PLAT: variants seen among roughly 807,000 people sequenced by gnomAD.
The protein encoded by PLAT is plasminogen activator, tissue type.
In PLAT, 48 loss-of-function variants were observed where a neutral mutation model predicts 74.9. That is an observed-to-expected ratio of 0.64 (90% CI 0.51 to 0.82). The LOEUF is 0.82. PLAT is among the 40% of genes least tolerant of loss of function. The pLI is 0.00. For synonymous variants in PLAT, 307 were observed against 294.4 expected (o/e 1.04, Z -0.44); for missense variants, 673 against 736.2 (o/e 0.91, Z 0.99).
intron 1 of PLAT, among the ~76,000 whole-genome samples, chr8:42,203,419 T>C (rs1280534555): frequency 6.6e-6 from 1 of 152,218 alleles, no homozygotes; most frequent in Non-Finnish European, 1.5e-5. Context: ...AGTCATATAC[T>C]TGTATAGGAA....
chr8:42,202,759 TG>T (rs760529136), intron 1 of PLAT, among the ~76,000 whole-genome samples: 15 of 149,622 alleles, frequency 1.0e-4, no homozygotes, highest in Non-Finnish European at 1.8e-4. Context: ...GGGACGGGGG[TG>T]GGCTTGGAGT....
chr8:42,176,351 G>A (rs1209141209), intron 13 of PLAT, among the ~76,000 whole-genome samples, 200 bp from the exon 14 acceptor site: 1 of 152,204 alleles, frequency 6.6e-6, no homozygotes, highest in Admixed American at 6.5e-5. Context: ...CCTGGGTTTT[G>A]TCCAGGTACC....
At chr8:42,189,316 G>A (rs535996064) in intron 3 of PLAT, among the ~76,000 whole-genome samples, 13 of 152,050 alleles carry the variant, frequency 8.5e-5, no homozygotes, top group Non-Finnish European at 1.3e-4. Flanking sequence ...TCAGGAGTTC[G>A]AGACCAGCCT....
At chr8:42,179,183 G>A (rs1204490245) in intron 12 of PLAT, 120 bp from the exon 13 acceptor site, 2 of 673,888 alleles carry the variant, frequency 3.0e-6, no homozygotes, top group East Asian at 2.7e-5. Context: ...GTATTAGGTC[G>A]AATCCTATGA....
At chr8:42,193,323 G>GC (rs1805759520) in intron 1 of PLAT, 112 bp from the exon 2 acceptor site, 1 of 667,882 alleles carries the variant, frequency 1.5e-6, no homozygotes, top group African/African-American at 1.8e-5. Context: ...TGCCAGCCCC[G>GC]CGGCAGAAAC....
chr8:42,188,003 T>C lies in PLAT; in HGVS notation c.267A>G (p.Pro89=), dbSNP rs1353644490. Residue 89 remains proline (P), a synonymous_variant, in exon 5 of 14, where the codon CCA becomes CCG. Coordinates refer to ENST00000220809, the MANE Select transcript of PLAT (RefSeq NM_000930.5). The part of the protein sequence containing the change: ...HSVPVKSCSE[P]RCFNGGTCQQ... The stretch of plus-strand genomic sequence containing the variant: ...GGCAGGTGCCCCCGTTGAAACACCT[T>C]GGCTCGCTGCAACCTGTCAAGTATA... 1 of 1,610,440 alleles carries C rather than the reference T, an allele frequency of 6.2e-7. No individual in the cohort carries two copies. Among genetic ancestry groups the C allele is most frequent in the South Asian group, 1.1e-5 (1 of 90,990 alleles).
chr8:42,183,608 G>A (rs1052889653), intron 7 of PLAT, among the ~76,000 whole-genome samples: 1 of 152,158 alleles, frequency 6.6e-6, no homozygotes, highest in African/African-American at 2.4e-5. Flanking sequence ...GCTTGGGAAG[G>A]AGGAGGGTAT....
At chr8:42,204,024 CACACAT>C (rs1440795438) in intron 1 of PLAT, among the ~76,000 whole-genome samples, 16 of 148,912 alleles carry the variant, frequency 1.1e-4, no homozygotes, top group African/African-American at 2.8e-4. Flanking sequence ...CACACACACA[CACACAT>C]ACAAACACAT....
intron 8 of PLAT, chr8:42,182,423 G>C: frequency 4.1e-6 from 1 of 242,524 alleles, no homozygotes; most frequent in Non-Finnish European, 8.0e-6. Context: ...ACTGTGAGCT[G>C]TCCTGTTACG....
intron 1 of PLAT, among the ~76,000 whole-genome samples, chr8:42,203,911 C>T (rs954244306): frequency 1.1e-4 from 16 of 150,390 alleles, no homozygotes; most frequent in Admixed American, 7.9e-4. Context: ...GGTTCAGTGA[C>T]CTACGATCAC....
intron 1 of PLAT, among the ~76,000 whole-genome samples, chr8:42,201,800 C>A (rs1292158638): frequency 6.6e-6 from 1 of 152,154 alleles, no homozygotes; most frequent in Non-Finnish European, 1.5e-5. Context: ...ATTGATAAGG[C>A]CCATCTGACC....
intron 1 of PLAT, among the ~76,000 whole-genome samples, chr8:42,198,025 A>G (rs1015563662): frequency 2.0e-5 from 3 of 152,126 alleles, no homozygotes; most frequent in Non-Finnish European, 4.4e-5. Context: ...CTATAGTTCT[A>G]TTGTTTAAAT....
chr8:42,202,388 G>C (rs547475343), intron 1 of PLAT, among the ~76,000 whole-genome samples: 1 of 152,024 alleles, frequency 6.6e-6, no homozygotes, highest in Non-Finnish European at 1.5e-5. Flanking sequence ...CCCAGTCCCT[G>C]TCCCCTGCCT....
Position 42,185,168 on chromosome 8 carries a change from G to T in PLAT, c.544C>A (p.Pro182Thr), listed in dbSNP as rs1191550985. The T allele has an allele frequency of 1.4e-5, 22 of 1,609,466 alleles. No individual in the cohort carries two copies. Among genetic ancestry groups the T allele is most frequent in the Non-Finnish European group, 1.7e-5 (20 of 1,177,704 alleles). Reference protein sequence around the residue: ...GLGNHNYCRNPDRDSKPWCYV... With the variant: ...GLGNHNYCRNTDRDSKPWCYV... ...CACCAGGGCTTTGAGTCTCGATCTG[G>T]GTTTCTGAAAAATCAGCCAAGGGAA... The change falls in exon 7 of 14, where the codon CCA becomes ACA. Residue 182 changes from proline to threonine, a missense_variant. Transcript: ENST00000220809.
At position 42,180,480 on chromosome 8, in the gene PLAT, G is replaced by A. The variant is rs1244662229; in HGVS notation, c.1085+10C>T. 2 of 1,613,852 alleles carry A rather than the reference G, an allele frequency of 1.2e-6. No homozygotes were observed. Among genetic ancestry groups the A allele is most frequent in the Non-Finnish European group, 1.7e-6 (2 of 1,179,996 alleles). ...GGGTGGAAAAACCAACTGGGTTTCCGAGCCCCTACCTCTCCTGGAAGCAGT... is the reference window on the plus strand; with the variant it reads ...GGGTGGAAAAACCAACTGGGTTTCCAAGCCCCTACCTCTCCTGGAAGCAGT... On this transcript the variant is annotated intron_variant, in intron 10 of 13. Transcript: ENST00000220809.
chr8:42,188,443 G>GGTCTT (rs1805567257), intron 4 of PLAT: 1 of 168,622 alleles, frequency 5.9e-6, no homozygotes, highest in South Asian at 1.8e-4. Flanking sequence ...AAGGTCACTT[G>GGTCTT]GTCTTGCTCC....
chr8:42,187,342 C>T, intron 6 of PLAT, 56 bp downstream of exon 6: 4 of 1,450,452 alleles, frequency 2.8e-6, no homozygotes, highest in Non-Finnish European at 9.3e-7. Context: ...CAGAATCTTT[C>T]CCCAGCTGTA....
At chr8:42,207,379 T>G (rs1293558990) in intron 1 of PLAT, 115 bp downstream of exon 1, 1 of 152,264 alleles carries the variant, frequency 6.6e-6, no homozygotes, top group Non-Finnish European at 1.5e-5. Context: ...TCTAGTTGCC[T>G]GAATTACAAA....
intron 6 of PLAT, chr8:42,187,045 CATCT>C (rs764233522): frequency 1.1e-3 from 203 of 188,350 alleles, no homozygotes; most frequent in South Asian, 3.2e-3. Context: ...ATCCATCTAT[CATCT>C]ATCTACCATC....
Sources: allele counts gnomAD v4.1 joint callset (sites outside exome capture counted in the v4.1 genomes callset), GRCh38; gene constraint gnomAD v4.1.1; transcripts MANE v1.5; gene names NCBI Gene and HGNC (gene_info 2026-07-23, HGNC 2026-07-21).